Variants in USP45 observed in about 807,000 individuals in gnomAD.
The protein encoded by USP45 is ubiquitin specific peptidase 45, also known as ubiquitin carboxyl-terminal hydrolase 45.
Under a neutral mutation model 95.8 loss-of-function variants are expected in USP45, and 89 were observed. The ratio of observed to expected loss-of-function variants is 0.93; its 90% confidence interval spans 0.78 to 1.11. The LOEUF is 1.11. USP45 is among the 50% of genes least tolerant of loss of function. The pLI is 0.00. For synonymous variants in USP45, 281 were observed against 316.2 expected (o/e 0.89, Z 1.18); for missense variants, 898 against 942.5 (o/e 0.95, Z 0.62).
intron 13 of USP45, among the ~76,000 whole-genome samples, chr6:99,453,088 A>C (rs867978034): frequency 6.6e-6 from 1 of 151,816 alleles, no homozygotes; most frequent in South Asian, 2.1e-4. Flanking sequence ...ATGGCGAGTC[A>C]ATGGGTGCAG....
rs114573220 is a variant in USP45 at position 99,453,255 on chromosome 6, T to C, written c.1309-6792A>G. Among the ~76,000 whole-genome samples the C allele has an allele frequency of 9.1e-3, 1,371 of 150,214 alleles. 19 individuals carry two copies. Among genetic ancestry groups the C allele is most frequent in the African/African-American group, 0.032 (1,302 of 40,920 alleles). On this transcript the variant is annotated intron_variant, in intron 13 of 17. Transcript: ENST00000500704. ...TTCACAGACGACATAATCTTACATA[T>C]AGGATAACCTAAAGACTTCAACAAA...
At chr6:99,485,013 T>C (rs866181241) in intron 7 of USP45, among the ~76,000 whole-genome samples, 1 of 151,874 alleles carries the variant, frequency 6.6e-6, no homozygotes, top group Non-Finnish European at 1.5e-5. Flanking sequence ...CAGAATGAGA[T>C]GAGGAAATAA....
Position 99,487,382 on chromosome 6 carries a change from T to C in USP45, c.714+818A>G, listed in dbSNP as rs533127654. On this transcript the variant is annotated intron_variant, in intron 7 of 17. Coordinates refer to ENST00000500704, the MANE Select transcript of USP45 (RefSeq NM_001346022.3). ...CAGATTGTTATTCTGTGGGATTATCTGAATAACATGGCCTAACTGTTGGTG... is the reference window on the plus strand; with the variant it reads ...CAGATTGTTATTCTGTGGGATTATCCGAATAACATGGCCTAACTGTTGGTG... Among the ~76,000 whole-genome samples the C allele has an allele frequency of 4.6e-5, 7 of 152,284 alleles. No homozygotes were observed. The South Asian group carries it at 1.5e-3, about 32-fold the overall frequency.
intron 16 of USP45, among the ~76,000 whole-genome samples, chr6:99,438,969 T>G (rs1365892814): frequency 6.6e-6 from 1 of 152,228 alleles, no homozygotes; most frequent in Admixed American, 6.5e-5. Flanking sequence ...ATTTCATTAT[T>G]ATTTACCACA....
Position 99,507,463 on chromosome 6 carries a change from A to G in USP45, c.342T>C (p.His114=), listed in dbSNP as rs1466264094. ...ATGTGCTCAGATTAATTATAATACA[A>G]TGGGGCTCTGTTCTGGAACTCTTAA... ...KHFKSSRTEP[H]CIIINLSTWI... The change falls in exon 4 of 18, where the codon CAT becomes CAC. Residue 114 remains histidine, a synonymous_variant. Coordinates refer to ENST00000500704, the MANE Select transcript of USP45 (RefSeq NM_001346022.3). 2 of 1,612,642 alleles carry G rather than the reference A, an allele frequency of 1.2e-6. No individual in the cohort carries two copies. Among genetic ancestry groups the G allele is most frequent in the East Asian group, 2.2e-5 (1 of 44,812 alleles).
In USP45 at chr6:99,507,440, G is replaced by T; in HGVS notation, c.365C>A (p.Thr122Lys). 6.2e-7 allele frequency: 1 copy of T among 1,601,354 alleles called. No individual in the cohort carries two copies. Among genetic ancestry groups the T allele is most frequent in the Non-Finnish European group, 8.5e-7 (1 of 1,171,856 alleles). The change falls in exon 4 of 18, where the codon ACA becomes AAA. Residue 122 changes from threonine to lysine, a missense_variant. By Grantham distance (78) the Thr-to-Lys change is moderately conservative. Transcript: ENST00000500704. ...EPHCIIINLS[T>K]WIIWCYECDE... Reference sequence around the variant, plus strand: ...AAATTTAACTTACCATATAATCCATGTGCTCAGATTAATTATAATACAATG... The same window carrying T: ...AAATTTAACTTACCATATAATCCATTTGCTCAGATTAATTATAATACAATG...
chr6:99,493,218 GT>G (rs1482156911), intron 5 of USP45, among the ~76,000 whole-genome samples: 4 of 152,036 alleles, frequency 2.6e-5, no homozygotes, highest in Non-Finnish European at 4.4e-5. Context: ...TAGAGATGGG[GT>G]TTCACCACGT....
chr6:99,443,501 T>C, intron 15 of USP45, 64 bp downstream of exon 15: 1 of 1,123,810 alleles, frequency 8.9e-7, no homozygotes, highest in Non-Finnish European at 1.3e-6. Context: ...TTGACAATAT[T>C]CTATAGGACT....
chr6:99,496,027 TTA>T (rs984178815), intron 5 of USP45, among the ~76,000 whole-genome samples: 1 of 152,202 alleles, frequency 6.6e-6, no homozygotes, highest in Non-Finnish European at 1.5e-5. Flanking sequence ...TAAAATGTCA[TTA>T]TCTTTTTGAA....
intron 13 of USP45, among the ~76,000 whole-genome samples, chr6:99,458,959 TTTTTG>T (rs1785705402): frequency 6.6e-6 from 1 of 152,178 alleles, no homozygotes; most frequent in Non-Finnish European, 1.5e-5. Context: ...CACAGACTTG[TTTTTG>T]TTTTGAACAG....
At chr6:99,513,864 A>G (rs1276205538) in intron 1 of USP45, among the ~76,000 whole-genome samples, 1 of 152,162 alleles carries the variant, frequency 6.6e-6, no homozygotes, top group East Asian at 1.9e-4. Flanking sequence ...AGCTTCCAAT[A>G]CTTTTTATCA....
At chr6:99,449,818 A>G (rs1345459358) in intron 13 of USP45, among the ~76,000 whole-genome samples, 2 of 152,242 alleles carry the variant, frequency 1.3e-5, no homozygotes, top group Non-Finnish European at 2.9e-5. Context: ...AACAGAAATT[A>G]TAACAAATTG....
At chr6:99,462,713 C>T (rs996325246) in intron 13 of USP45, 1 of 989,864 alleles carries the variant, frequency 1.0e-6, no homozygotes, top group South Asian at 4.4e-5. Context: ...AGCGCTGTGG[C>T]TCACACCTGC....
chr6:99,483,077 C>CAT (rs1281380109), intron 7 of USP45, among the ~76,000 whole-genome samples, 194 bp from the exon 8 acceptor site: 3 of 152,136 alleles, frequency 2.0e-5, no homozygotes, highest in African/African-American at 7.2e-5. Context: ...CAGGTATTTT[C>CAT]ATATCCTCTG....
At chr6:99,471,859 A>G (rs1197644744) in intron 9 of USP45, among the ~76,000 whole-genome samples, 1 of 152,174 alleles carries the variant, frequency 6.6e-6, no homozygotes, top group African/African-American at 2.4e-5. Flanking sequence ...CAGGCCAGAC[A>G]ATGCAGCTCC....
intron 13 of USP45, among the ~76,000 whole-genome samples, chr6:99,448,595 A>C (rs1352220499): frequency 2.0e-5 from 3 of 151,894 alleles, no homozygotes; most frequent in Admixed American, 2.0e-4. Flanking sequence ...AGAATGGAAA[A>C]CACTCTGCAG....
intron 16 of USP45, 120 bp from the exon 17 acceptor site, chr6:99,437,519 T>C (rs537146172): frequency 9.3e-7 from 1 of 1,070,548 alleles, no homozygotes; most frequent in South Asian, 1.9e-5. Flanking sequence ...TGAGATACTT[T>C]CCATACTTAC....
intron 8 of USP45, among the ~76,000 whole-genome samples, chr6:99,478,211 CTTAGA>C (rs1283913750): frequency 7.4e-6 from 1 of 134,516 alleles, no homozygotes; most frequent in African/African-American, 2.7e-5. Context: ...ATTTAATAAA[CTTAGA>C]TTTGTTTTTT....
At chr6:99,458,025 A>G (rs1340896699) in intron 13 of USP45, among the ~76,000 whole-genome samples, 1 of 152,068 alleles carries the variant, frequency 6.6e-6, no homozygotes, top group Non-Finnish European at 1.5e-5. Flanking sequence ...TATTATTACT[A>G]TTAGTATTAT....
Sources: gnomAD v4.1 joint callset for allele counts (sites outside exome capture counted in the v4.1 genomes callset) on GRCh38, gnomAD v4.1.1 for gene constraint, MANE v1.5 for transcripts, NCBI Gene and HGNC (gene_info 2026-07-23, HGNC 2026-07-21) for gene names.